Variants in NOP58 observed in about 807,000 individuals in gnomAD.
NOP58 encodes the protein nucleolar protein 58.
NOP58 carries 44 observed loss-of-function variants against 71.2 expected under a neutral mutation model. That is an observed-to-expected ratio of 0.62 (90% CI 0.49 to 0.79). The LOEUF is 0.79. Among genes scored for constraint, NOP58 ranks in the 30% least tolerant of loss-of-function variants. NOP58 has a pLI of 0.00. For missense variants in NOP58, 538 were observed against 620.2 expected, an observed-to-expected ratio of 0.87 and a Z score of 1.41; for synonymous variants, 228 against 200.3, an observed-to-expected ratio of 1.14 and a Z score of -1.17.
At position 202,303,041 on chromosome 2, in the gene NOP58, C is replaced by T; in HGVS notation, c.1523C>T (p.Thr508Ile). 3 of 1,611,770 alleles carry T rather than the reference C, an allele frequency of 1.9e-6. No individual in the cohort carries two copies. The highest frequency in any genetic ancestry group is 2.5e-6 in the Non-Finnish European group (3 of 1,179,768). ...CCACTTTCTGAGGAAGAACCATGTA[C>T]CAGCACAGCAATTGCTGTATGTTTG... ...EEPLSEEEPC[T>I]STAIASPEKK... The change falls in exon 14 of 15, where the codon ACC (threonine) becomes ATC (isoleucine). Residue 508 changes from threonine to isoleucine, a missense_variant. By Grantham distance (89) the Thr-to-Ile change is moderately conservative. Coordinates refer to ENST00000264279, the MANE Select transcript of NOP58 (RefSeq NM_015934.5).
intron 1 of NOP58, among the ~76,000 whole-genome samples, chr2:202,269,448 C>T (rs933778739): frequency 1.3e-5 from 2 of 151,778 alleles, no homozygotes; most frequent in Non-Finnish European, 2.9e-5. Context: ...CGGTGTTCTG[C>T]CCACTTATGT....
chr2:202,296,711 G>GC (rs1559266864), intron 10 of NOP58, among the ~76,000 whole-genome samples: 80 of 112,264 alleles, frequency 7.1e-4, no homozygotes, highest in Middle Eastern at 4.1e-3. Context: ...AAGAACCCAC[G>GC]CTTTTTTTTG....
Position 202,303,384 on chromosome 2 carries a change from A to G in NOP58, c.1540-2A>G. On this transcript the variant is annotated splice_acceptor_variant, in intron 14 of 14. Coordinates refer to ENST00000264279, the MANE Select transcript of NOP58 (RefSeq NM_015934.5). LOFTEE classifies it high-confidence loss of function. ...CAAAGCATTCTTGTTGGCTATTTTCAGAGTCCAGAGAAAAAGAAGAAAAAG... is the reference window on the plus strand; with the variant it reads ...CAAAGCATTCTTGTTGGCTATTTTCGGAGTCCAGAGAAAAAGAAGAAAAAG... 8 of 1,612,660 alleles carry G rather than the reference A, an allele frequency of 5.0e-6. No homozygotes were observed. Among genetic ancestry groups the G allele is most frequent in the Non-Finnish European group, 6.8e-6 (8 of 1,179,288 alleles).
Position 202,302,853 on chromosome 2 carries a change from A to C in NOP58, c.1403-68A>C, listed in dbSNP as rs898089788. 4 of 1,515,076 alleles carry C rather than the reference A, an allele frequency of 2.6e-6. No individual in the cohort carries two copies. In the African/African-American group the frequency reaches 5.6e-5, roughly 21 times the overall value. The allele number at this position is 1,515,076 out of a possible 1,614,324, so 93.9% of individuals were successfully genotyped here. ...ATGACAGAAAAAAACTAGGACTCAAACGTTTTTGGAAGGAATGAGATCTGA... is the reference window on the plus strand; with the variant it reads ...ATGACAGAAAAAAACTAGGACTCAACCGTTTTTGGAAGGAATGAGATCTGA... On this transcript the variant is annotated intron_variant, in intron 13 of 14. Transcript: ENST00000264279.
chr2:202,281,339 T>A (rs1688700041), intron 3 of NOP58, among the ~76,000 whole-genome samples: 1 of 151,806 alleles, frequency 6.6e-6, no homozygotes, highest in East Asian at 1.9e-4. Flanking sequence ...GCCAGGCTGG[T>A]CTCTCGAACT....
intron 9 of NOP58, 112 bp downstream of exon 9, chr2:202,293,015 A>G (rs754586476): frequency 2.8e-6 from 3 of 1,084,130 alleles, no homozygotes; most frequent in Non-Finnish European, 4.3e-6. Context: ...TGATAACACA[A>G]AAGTAGATGA....
At chr2:202,276,355 A>T in intron 2 of NOP58, 1 of 290,988 alleles carries the variant, frequency 3.4e-6, no homozygotes, top group Non-Finnish European at 7.3e-6. Flanking sequence ...AAAAAAAAAA[A>T]GATGACACTG....
At chr2:202,287,442 G>A (rs1688810624) in intron 5 of NOP58, among the ~76,000 whole-genome samples, 1 of 151,524 alleles carries the variant, frequency 6.6e-6, no homozygotes, top group Non-Finnish European at 1.5e-5. Flanking sequence ...AGAAATAAAG[G>A]TCGTAGCAGC....
chr2:202,300,111 TA>T, intron 12 of NOP58, 122 bp from the exon 13 acceptor site: 1 of 844,452 alleles, frequency 1.2e-6, no homozygotes. Context: ...CCAAAGCCAC[TA>T]AAATGAAACA....
intron 7 of NOP58, among the ~76,000 whole-genome samples, chr2:202,290,679 A>G (rs1277657803): frequency 1.3e-5 from 2 of 151,850 alleles, no homozygotes; most frequent in African/African-American, 4.8e-5. Flanking sequence ...AATGCTAAAT[A>G]GCAGTATTGC....
chr2:202,288,551 C>A (rs1183105610), intron 6 of NOP58, among the ~76,000 whole-genome samples: 1 of 151,746 alleles, frequency 6.6e-6, no homozygotes, highest in Non-Finnish European at 1.5e-5. Flanking sequence ...TCGGCCGTGG[C>A]TCACGCCTGT....
At chr2:202,298,147 C>T (rs1261637408) in intron 12 of NOP58, among the ~76,000 whole-genome samples, 1 of 152,094 alleles carries the variant, frequency 6.6e-6, no homozygotes, top group African/African-American at 2.4e-5. Flanking sequence ...GTGAGGACAC[C>T]TTAAAATCTA....
chr2:202,290,555 G>T (rs1431552462), intron 7 of NOP58, 98 bp downstream of exon 7: 1 of 1,092,788 alleles, frequency 9.2e-7, no homozygotes, highest in African/African-American at 1.6e-5. Context: ...AGATTCCCAG[G>T]GTTTTTGCAA....
rs189120550 is a variant in NOP58, at chr2:202,296,075, C to T, written c.1071+238C>T. Reference sequence around the variant, plus strand: ...CCATTGTGTTAGTATTTTTTTCCCCCCTAGAATCTCCCTGTGGTTGGCACA... The same window carrying T: ...CCATTGTGTTAGTATTTTTTTCCCCTCTAGAATCTCCCTGTGGTTGGCACA... On this transcript the variant is annotated intron_variant, in intron 10 of 14. Coordinates refer to ENST00000264279, the MANE Select transcript of NOP58 (RefSeq NM_015934.5). Among the ~76,000 whole-genome samples, 865 of 152,088 alleles carry T rather than the reference C, an allele frequency of 5.7e-3. 5 individuals carry two copies. Among genetic ancestry groups the T allele is most frequent in the Non-Finnish European group, 9.0e-3 (609 of 67,976 alleles).
Position 202,303,522 on chromosome 2 carries a change from A to G in NOP58, c.*86A>G. 6.7e-7 allele frequency: 1 copy of G among 1,493,844 alleles called. No homozygotes were observed. The highest frequency in any genetic ancestry group is 2.4e-5 in the East Asian group (1 of 41,302). The allele number at this position is 1,493,844 out of a possible 1,614,324, so 92.5% of individuals were successfully genotyped here. A position where few individuals can be genotyped will look rare whatever the true frequency, so the allele number is the denominator to read the frequency against. ...CATACCAGGGATGCTCTCTAACGTAATCAAGGGAAGGTTCAGTAAGACAAA... is the reference window on the plus strand; with the variant it reads ...CATACCAGGGATGCTCTCTAACGTAGTCAAGGGAAGGTTCAGTAAGACAAA... On this transcript the variant is annotated 3_prime_UTR_variant, in exon 15 of 15. Coordinates refer to ENST00000264279, the MANE Select transcript of NOP58 (RefSeq NM_015934.5).
At chr2:202,286,405 T>C (rs888688240) in intron 5 of NOP58, among the ~76,000 whole-genome samples, 1 of 150,838 alleles carries the variant, frequency 6.6e-6, no homozygotes, top group Non-Finnish European at 1.5e-5. Context: ...CTCGGGAGGC[T>C]GAGGCAGGAG....
chr2:202,265,825 C>A lies in NOP58; in HGVS notation c.-117C>A. ...TTCTGATTCTTTGCGGGACGGCGAG[C>A]GCATTTGTGCTTTGCCCGCCGCGGC... is the stretch of plus-strand genomic sequence containing the variant. On this transcript the variant is annotated 5_prime_UTR_variant, in exon 1 of 15. Coordinates refer to ENST00000264279, the MANE Select transcript of NOP58 (RefSeq NM_015934.5). 9.5e-7 allele frequency: 1 copy of A among 1,052,824 alleles called. No homozygotes were observed. The highest frequency in any genetic ancestry group is 1.5e-6 in the Non-Finnish European group (1 of 689,584). The allele number at this position is 1,052,824 out of a possible 1,614,324, so 65.2% of individuals were successfully genotyped here. A position where few individuals can be genotyped will look rare whatever the true frequency, so the allele number is the denominator to read the frequency against.
chr2:202,284,009 C>T (rs1313306333), intron 4 of NOP58, among the ~76,000 whole-genome samples: 3 of 151,894 alleles, frequency 2.0e-5, no homozygotes, highest in South Asian at 2.1e-4. Context: ...AGGCTGGGCG[C>T]GGTGGCTCAT....
chr2:202,289,301 A>G (rs1011804308), intron 6 of NOP58, among the ~76,000 whole-genome samples: 1 of 152,224 alleles, frequency 6.6e-6, no homozygotes, highest in Non-Finnish European at 1.5e-5. Context: ...TGCATTGTGG[A>G]TGCAGCTTGA....
Sources: gnomAD v4.1 joint callset for allele counts (sites outside exome capture counted in the v4.1 genomes callset) on GRCh38, gnomAD v4.1.1 for gene constraint, MANE v1.5 for transcripts, NCBI Gene and HGNC (gene_info 2026-07-23, HGNC 2026-07-21) for gene names.